The following MBP variants were observed in gnomAD, a reference collection of about 807,000 sequenced individuals.
MBP encodes myelin basic protein.
In MBP, 16 loss-of-function variants were observed where a neutral mutation model predicts 35.8. The observed-to-expected ratio is 0.45, with a 90% confidence interval of 0.30 to 0.68. The LOEUF is 0.68. MBP is among the 30% of genes least tolerant of loss of function. The pLI is 0.08. For missense variants in MBP, 380 were observed against 404.7 expected, an observed-to-expected ratio of 0.94 and a Z score of 0.52; for synonymous variants, 143 against 159.6, an observed-to-expected ratio of 0.90 and a Z score of 0.78.
chr18:77,067,310 C>T (rs1015975757), intron 2 of MBP, among the ~76,000 whole-genome samples: 2 of 152,172 alleles, frequency 1.3e-5, no homozygotes, highest in Non-Finnish European at 2.9e-5. Flanking sequence ...GTATTCTTTT[C>T]CCTCCTTTCT....
chr18:77,028,951 G>GGTC (rs1972401058), intron 3 of MBP, among the ~76,000 whole-genome samples: 2 of 86,510 alleles, frequency 2.3e-5, no homozygotes, highest in East Asian at 9.1e-4. Flanking sequence ...AGGCAGAGGG[G>GGTC]CTCCATCCCA....
At chr18:77,003,791 C>T (rs1970761895) in intron 4 of MBP, 1 of 152,190 alleles carries the variant, frequency 6.6e-6, no homozygotes, top group African/African-American at 2.4e-5. Context: ...CCCCAGAAAC[C>T]TTGTTTAAGT....
At chr18:77,035,400 C>T (rs1029743720) in intron 3 of MBP, among the ~76,000 whole-genome samples, 85 of 152,218 alleles carry the variant, frequency 5.6e-4, no homozygotes, top group African/African-American at 2.0e-3. Flanking sequence ...GTAAAGAAGG[C>T]TGTTAAATTT....
rs1292972114 is a variant in MBP at position 76,980,411 on chromosome 18, G to A, written c.*16C>T. ...ATTAAGAAGCTGAGGACAGGATTCC[G>A]GAACCAGGTGGGTTTTCAGCGTCTA... On this transcript the variant is annotated 3_prime_UTR_variant, in exon 9 of 9. Coordinates refer to ENST00000355994, the MANE Select transcript of MBP (RefSeq NM_001025101.2). 5.0e-6 allele frequency: 8 copies of A among 1,611,614 alleles called. No individual in the cohort carries two copies. The highest frequency in any genetic ancestry group is 2.2e-5 in the South Asian group (2 of 91,034).
chr18:77,015,439 A>G, intron 4 of MBP: 1 of 985,506 alleles, frequency 1.0e-6, no homozygotes, highest in African/African-American at 1.7e-5. Context: ...AGTTGAAATT[A>G]GCATTAGAAA....
At chr18:77,036,433 A>G (rs1445695512) in intron 3 of MBP, among the ~76,000 whole-genome samples, 2 of 129,286 alleles carry the variant, frequency 1.5e-5, no homozygotes, top group Non-Finnish European at 3.2e-5. Context: ...TGCTGGTCAC[A>G]TTTTGGAGGA....
Position 77,057,780 on chromosome 18 carries a change from T to C in MBP, c.139+8518A>G, listed in dbSNP as rs144552885. On this transcript the variant is annotated intron_variant, in intron 3 of 8. Coordinates refer to ENST00000355994, the MANE Select transcript of MBP (RefSeq NM_001025101.2). ...AAGATGCAATGATTTAAAAAACCGC[T>C]ACACGAAAATTCTGAAGGGGGACAC... is the stretch of plus-strand genomic sequence containing the variant. 8.8e-3 allele frequency among the ~76,000 whole-genome samples: 1,333 copies of C among 151,914 alleles called. 15 individuals are homozygous for C. Among genetic ancestry groups the C allele is most frequent in the Middle Eastern group, 0.02 (6 of 294 alleles).
intron 4 of MBP, chr18:77,006,974 C>T (rs752665979): frequency 6.6e-6 from 1 of 152,474 alleles, no homozygotes; most frequent in Non-Finnish European, 1.5e-5. Flanking sequence ...TGAGGTGGAC[C>T]CAGGCGGAGG....
chr18:77,104,591 A>G (rs1568341814), intron 2 of MBP, among the ~76,000 whole-genome samples: 1 of 152,242 alleles, frequency 6.6e-6, no homozygotes, highest in Non-Finnish European at 1.5e-5. Flanking sequence ...GGACCTTCGT[A>G]GATGGAATTA....
chr18:77,066,110 G>T, intron 3 of MBP, 188 bp downstream of exon 3: 1 of 589,360 alleles, frequency 1.7e-6, no homozygotes. Context: ...CGATCCTCTT[G>T]CATAGACCCC....
rs1976062892 is a variant in MBP at position 77,102,342 on chromosome 18, C to T, written c.51+2869G>A. On this transcript the variant is annotated intron_variant, in intron 2 of 8. Transcript: ENST00000355994. This position sits in a 1 kb window ranked among gnomAD's most constrained non-coding sequence, Gnocchi z 4.4. ...GAAAAATGCCTCCCAGAATCACACA[C>T]AGAAATGTGCAGAGTGGTAGGTGAC... Among the ~76,000 whole-genome samples the T allele has an allele frequency of 6.6e-6, 1 of 152,188 alleles. No homozygotes were observed. Among genetic ancestry groups the T allele is most frequent in the Non-Finnish European group, 1.5e-5 (1 of 68,032 alleles).
chr18:77,043,302 G>T (rs563166751), intron 3 of MBP, among the ~76,000 whole-genome samples: 1 of 152,120 alleles, frequency 6.6e-6, no homozygotes, highest in Non-Finnish European at 1.5e-5. Flanking sequence ...ATTATCATAC[G>T]TAGAAAGTCA....
At chr18:77,125,009 C>G (rs1231721795) in intron 1 of MBP, among the ~76,000 whole-genome samples, 1 of 152,186 alleles carries the variant, frequency 6.6e-6, no homozygotes, top group African/African-American at 2.4e-5. Context: ...CCTCTGAGGT[C>G]CCGGCTCCTG....
rs557611644 is a variant in MBP, at chr18:77,014,915, CAT to C, written c.576+1915_576+1916del. On this transcript the variant is annotated intron_variant, in intron 4 of 8. Coordinates refer to ENST00000355994, the MANE Select transcript of MBP (RefSeq NM_001025101.2). ...GATACTTCAAAATTCCTAAAGCAAT[CAT>C]GTGAAAATTATTTTTATTTTTAAAA... is the stretch of plus-strand genomic sequence containing the variant. 272 of 982,128 alleles carry C rather than the reference CAT, an allele frequency of 2.8e-4. 3 individuals are homozygous for C. The South Asian group carries it at 0.011, about 40-fold the overall frequency. The allele number at this position is 982,128 out of a possible 1,614,324, so 60.8% of individuals were successfully genotyped here.
intron 4 of MBP, among the ~76,000 whole-genome samples, chr18:76,990,465 A>G (rs1969833950): frequency 1.3e-5 from 2 of 152,160 alleles, no homozygotes; most frequent in African/African-American, 4.8e-5. Context: ...ATGATCCTAT[A>G]TCACTCAGGG....
chr18:76,988,401 A>G lies in MBP; in HGVS notation c.750+94T>C. On this transcript the variant is annotated intron_variant, in intron 7 of 8. Coordinates refer to ENST00000355994, the MANE Select transcript of MBP (RefSeq NM_001025101.2). This position sits in a 1 kb window ranked among gnomAD's most constrained non-coding sequence, Gnocchi z 5.2. ...TCTCGAGAGGAGAGAAAAGGAGGCC[A>G]GGAAGCAACCGAAACAGAGCAGAAC... The G allele has an allele frequency of 6.2e-7, 1 of 1,614,094 alleles. No homozygotes were observed. Among genetic ancestry groups the G allele is most frequent in the Non-Finnish European group, 8.5e-7 (1 of 1,179,918 alleles).
At position 77,124,783 on chromosome 18, in the gene MBP, CTCTG is replaced by C. The variant is rs375217002; in HGVS notation, c.-26+7793_-26+7796del. 2.3e-3 allele frequency among the ~76,000 whole-genome samples: 357 copies of C among 152,276 alleles called. 2 individuals are homozygous for C. The highest frequency in any genetic ancestry group is 8.2e-3 in the African/African-American group (340 of 41,540). On this transcript the variant is annotated intron_variant, in intron 1 of 8. Coordinates refer to ENST00000355994, the MANE Select transcript of MBP (RefSeq NM_001025101.2). ...GGAAGTGGGGCCCTGGTTTGCTGGCCTCTGTCTGAATCATGCTAGACTGCTCTTA... is the reference window on the plus strand; with the variant it reads ...GGAAGTGGGGCCCTGGTTTGCTGGCCTCTGAATCATGCTAGACTGCTCTTA...
At chr18:77,111,837 A>ACCT (rs1976462768) in intron 1 of MBP, among the ~76,000 whole-genome samples, 1 of 152,232 alleles carries the variant, frequency 6.6e-6, no homozygotes, top group South Asian at 2.1e-4. Flanking sequence ...TGCTTCTTTG[A>ACCT]CATTTGAAAA....
chr18:77,066,052 G>A (rs938546836), intron 3 of MBP: 21 of 453,038 alleles, frequency 4.6e-5, no homozygotes, highest in African/African-American at 1.2e-4. Context: ...TTGTAGAGAC[G>A]AGGTCTCATT....
Sources: allele counts gnomAD v4.1 joint callset (sites outside exome capture counted in the v4.1 genomes callset), GRCh38; gene constraint gnomAD v4.1.1; non-coding constraint Gnocchi (gnomAD v3.1); transcripts MANE v1.5; gene names NCBI Gene and HGNC (gene_info 2026-07-23, HGNC 2026-07-21).